The following CATSPERG variants were observed in gnomAD, a reference collection of about 807,000 sequenced individuals.
The protein encoded by CATSPERG is catsper channel auxiliary subunit gamma.
CATSPERG carries 115 observed loss-of-function variants against 145.0 expected under a neutral mutation model. The ratio of observed to expected loss-of-function variants is 0.79; its 90% CI spans 0.68 to 0.93. The LOEUF is 0.93. Among genes scored for constraint, CATSPERG ranks in the 40% least tolerant of loss-of-function variants. The probability of loss-of-function intolerance (pLI) is 0.00; values close to 1 mark genes in which losing one functional copy is unlikely to be tolerated. For missense variants in CATSPERG, 1,296 were observed against 1,490.1 expected, an observed-to-expected ratio of 0.87 and a Z score of 2.14; for synonymous variants, 588 against 589.0, an observed-to-expected ratio of 1.00 and a Z score of 0.02.
chr19:38,351,533 G>A (rs962273534), intron 7 of CATSPERG, among the ~76,000 whole-genome samples: 8 of 151,764 alleles, frequency 5.3e-5, no homozygotes, highest in African/African-American at 9.7e-5. Context: ...GCGTGAACCC[G>A]GGAGGCGGAG....
At position 38,342,077 on chromosome 19, in the gene CATSPERG, TAA is replaced by T. The variant is rs36074744; in HGVS notation, c.325-1487_325-1486del. ...TGGGCAACAGAGCAAGACCTTATCT[TAA>T]AAAAAAAAAAAAAAAGCCAGGTGCA... On this transcript the variant is annotated intron_variant, in intron 3 of 28. Coordinates refer to ENST00000409235, the MANE Select transcript of CATSPERG (RefSeq NM_021185.5). 8.1e-3 allele frequency among the ~76,000 whole-genome samples: 1,013 copies of T among 124,996 alleles called. 14 individuals carry two copies. Among genetic ancestry groups the T allele is most frequent in the East Asian group, 0.075 (322 of 4,310 alleles). 82.0% of individuals were successfully genotyped at this position (124,996 alleles called of 152,430 possible).
Position 38,367,197 on chromosome 19 carries a change from C to G in CATSPERG, c.2655C>G (p.Gly885=). 6.2e-7 allele frequency: 1 copy of G among 1,613,874 alleles called. No homozygotes were observed. Among genetic ancestry groups the G allele is most frequent in the Non-Finnish European group, 8.5e-7 (1 of 1,179,966 alleles). The change falls in exon 23 of 29, where the codon GGC becomes GGG. Residue 885 remains glycine, a synonymous_variant. Coordinates refer to ENST00000409235, the MANE Select transcript of CATSPERG (RefSeq NM_021185.5). Reference sequence around the variant, plus strand: ...CAGTGTTCATTGGCTGCCCCCCAGGCAAGCGCCTGGCCTTCGACATCACCT... The same window carrying G: ...CAGTGTTCATTGGCTGCCCCCCAGGGAAGCGCCTGGCCTTCGACATCACCT... ...MVPVFIGCPP[G]KRLAFDITYT...
intron 20 of CATSPERG, among the ~76,000 whole-genome samples, chr19:38,364,087 CG>C (rs1315952506): frequency 6.7e-6 from 1 of 149,788 alleles, no homozygotes; most frequent in Admixed American, 6.6e-5. Flanking sequence ...GCTGGCCGGG[CG>C]GGGGGCTGAC....
In CATSPERG at chr19:38,358,385, GTGACTCCACTTCACTGC is replaced by G. The variant is rs1970284537; in HGVS notation, c.1367-44_1367-28del. ...TGGCTGTGGGCCAGGAGGGGCCCAG[GTGACTCCACTTCACTGC>G]TGTGTCCTCTCTTCCTCTGCTCCGG... On this transcript the variant is annotated intron_variant, in intron 12 of 28. Transcript: ENST00000409235. The G allele has an allele frequency of 1.9e-6, 3 of 1,614,008 alleles. No individual in the cohort carries two copies. The South Asian group carries it at 3.3e-5, about 18-fold the overall frequency.
chr19:38,362,166 G>A (rs781609878), intron 17 of CATSPERG, 44 bp from the exon 18 acceptor site: 1 of 1,552,352 alleles, frequency 6.4e-7, no homozygotes. Context: ...GGAGGCTCTC[G>A]CCCCGCTGCC....
chr19:38,352,644 C>T (rs894400497), intron 8 of CATSPERG: 2 of 575,118 alleles, frequency 3.5e-6, no homozygotes, highest in Non-Finnish European at 3.0e-6. Context: ...TCCACCCAGA[C>T]CCTCCTGGGA....
intron 7 of CATSPERG, among the ~76,000 whole-genome samples, 196 bp downstream of exon 7, chr19:38,346,801 C>T (rs1285870695): frequency 6.6e-6 from 1 of 152,202 alleles, no homozygotes; most frequent in African/African-American, 2.4e-5. Context: ...TCTGCCACCT[C>T]CTGGCTGCCT....
chr19:38,356,383 C>A, intron 9 of CATSPERG, 101 bp from the exon 10 acceptor site: 3 of 966,092 alleles, frequency 3.1e-6, no homozygotes, highest in Non-Finnish European at 4.9e-6. Flanking sequence ...ATCCCAAGGA[C>A]GGAGGGGCTG....
At chr19:38,343,525 G>C in intron 3 of CATSPERG, 55 bp from the exon 4 acceptor site, 1 of 1,471,510 alleles carries the variant, frequency 6.8e-7, no homozygotes, top group South Asian at 1.3e-5. Context: ...GCTTAAGGCA[G>C]GGGGCACCCA....
intron 6 of CATSPERG, 118 bp from the exon 7 acceptor site, chr19:38,346,332 G>A: frequency 1.1e-6 from 1 of 919,886 alleles, no homozygotes; most frequent in Non-Finnish European, 1.6e-6. Flanking sequence ...GGTCAAGGAA[G>A]TGAGAAGGAC....
At chr19:38,358,180 G>A (rs1394054702) in intron 11 of CATSPERG, 98 bp from the exon 12 acceptor site, 2 of 1,185,730 alleles carry the variant, frequency 1.7e-6, no homozygotes, top group African/African-American at 1.5e-5. Flanking sequence ...CTCTTTGGAG[G>A]GTTTTACAGG....
intron 3 of CATSPERG, among the ~76,000 whole-genome samples, chr19:38,340,763 G>A (rs918371190): frequency 1.3e-5 from 2 of 152,080 alleles, no homozygotes; most frequent in Non-Finnish European, 1.5e-5. Flanking sequence ...GGGACTACAG[G>A]CTCAAGCCAT....
intron 6 of CATSPERG, among the ~76,000 whole-genome samples, chr19:38,344,664 T>C (rs191746157): frequency 4.8e-4 from 72 of 148,732 alleles, no homozygotes; most frequent in Middle Eastern, 3.5e-3. Flanking sequence ...TGTACATCCA[T>C]ACCTGTACAT....
chr19:38,359,747 GGTAA>G (rs1568379731), intron 14 of CATSPERG, 166 bp downstream of exon 14: 3 of 1,370,078 alleles, frequency 2.2e-6, no homozygotes, highest in South Asian at 1.5e-5. Context: ...TGGAACTCAG[GGTAA>G]GTGTCAGCTC....
chr19:38,345,090 CATTATT>C (rs1290718020), intron 6 of CATSPERG, among the ~76,000 whole-genome samples: 1 of 148,724 alleles, frequency 6.7e-6, no homozygotes. Flanking sequence ...AATTAATTAT[CATTATT>C]ATTATTATTA....
Position 38,346,363 on chromosome 19 carries a change from G to T in CATSPERG, c.670-87G>T. On this transcript the variant is annotated intron_variant, in intron 6 of 28. Coordinates refer to ENST00000409235, the MANE Select transcript of CATSPERG (RefSeq NM_021185.5). ...AGGACAAATCGCGTGGGGCCTTGTG[G>T]GTCCAGGTCAGGCCTTGGACCTAAA... 5 of 1,281,200 alleles carry T rather than the reference G, an allele frequency of 3.9e-6. No homozygotes were observed. The Admixed American group carries it at 1.1e-4, about 28-fold the overall frequency. The allele number at this position is 1,281,200 out of a possible 1,614,324, so 79.4% of individuals were successfully genotyped here.
intron 11 of CATSPERG, 100 bp downstream of exon 11, chr19:38,356,961 A>G: frequency 6.8e-7 from 1 of 1,463,714 alleles, no homozygotes; most frequent in Non-Finnish European, 9.3e-7. Context: ...AGACAGAGGG[A>G]GGGCAACATT....
intron 20 of CATSPERG, among the ~76,000 whole-genome samples, chr19:38,363,882 C>T (rs189872572): frequency 1.3e-5 from 2 of 152,362 alleles, no homozygotes; most frequent in African/African-American, 4.8e-5. Flanking sequence ...ACAGACACGG[C>T]AACCATCCGA....
chr19:38,364,710 A>G (rs1373096936), intron 20 of CATSPERG, among the ~76,000 whole-genome samples, 181 bp from the exon 21 acceptor site: 1 of 152,258 alleles, frequency 6.6e-6, no homozygotes, highest in Non-Finnish European at 1.5e-5. Context: ...ACTCGCGGTT[A>G]GGAGCTGGAG....
Sources: allele counts gnomAD v4.1 joint callset (sites outside exome capture counted in the v4.1 genomes callset), GRCh38; gene constraint gnomAD v4.1.1; transcripts MANE v1.5; gene names NCBI Gene and HGNC (gene_info 2026-07-23, HGNC 2026-07-21).